The following ZNF571 variants were observed in gnomAD, a reference collection of about 807,000 sequenced individuals.
ZNF571 encodes the protein zinc finger protein 571.
ZNF571 carries 4 observed loss-of-function variants against 7.7 expected under a neutral mutation model. The ratio of observed to expected loss-of-function variants is 0.52; its 90% CI spans 0.25 to 1.18. The LOEUF (loss-of-function observed/expected upper bound fraction) is 1.18. Ranked by LOEUF, ZNF571 falls within the 50% of genes most tolerant of loss-of-function variation. ZNF571 has a pLI of 0.14. For missense variants in ZNF571, 704 were observed against 726.9 expected (o/e 0.97, Z 0.36); for synonymous variants, 251 against 232.4 (o/e 1.08, Z -0.73).
chr19:37,576,046 C>T (rs1036309293), intron 3 of ZNF571, among the ~76,000 whole-genome samples: 10 of 151,734 alleles, frequency 6.6e-5, no homozygotes, highest in African/African-American at 2.4e-4. Flanking sequence ...CATGCATACA[C>T]ACACACACAC....
At chr19:37,568,169 T>G (rs1230270987) in intron 3 of ZNF571, among the ~76,000 whole-genome samples, 1 of 152,272 alleles carries the variant, frequency 6.6e-6, no homozygotes, top group South Asian at 2.1e-4. Context: ...ATATAGGCTG[T>G]AGAATAACAA....
In ZNF571 at chr19:37,564,624, T is replaced by C. The variant is rs1203116575; in HGVS notation, c.1804A>G (p.Thr602Ala). The C allele has an allele frequency of 6.4e-7, 1 of 1,550,912 alleles. No homozygotes were observed. Among genetic ancestry groups the C allele is most frequent in the African/African-American group, 1.4e-5 (1 of 72,644 alleles). ...CAATTATGAAGCCTTGTATGTTGAG[T>C]AAGTTGTGAAGGACATCTAAAGTCT... ...GKDFRCPSQL[T>A]QHTRLHN is the part of the protein sequence containing the mutation. Residue 602 changes from threonine to alanine, a missense_variant, in exon 4 of 4, where the codon ACT becomes GCT. Coordinates refer to ENST00000451802, the MANE Select transcript of ZNF571 (RefSeq NM_016536.5).
At chr19:37,573,100 C>T (rs556719855) in intron 3 of ZNF571, among the ~76,000 whole-genome samples, 1 of 152,126 alleles carries the variant, frequency 6.6e-6, no homozygotes, top group South Asian at 2.1e-4. Flanking sequence ...CACCACCACA[C>T]TAATCTTAGC....
rs1263250398 is a variant in ZNF571 at position 37,594,762 on chromosome 19, C to T, written c.-91G>A. ...TCACCTGGCCGGCGCAGACAAGCTCCGTGCGTCAAGACATAACAGCGTAAG... is the reference window on the plus strand; with the variant it reads ...TCACCTGGCCGGCGCAGACAAGCTCTGTGCGTCAAGACATAACAGCGTAAG... On this transcript the variant is annotated 5_prime_UTR_variant, in exon 1 of 4. Transcript: ENST00000451802. 1.3e-5 allele frequency: 2 copies of T among 152,172 alleles called. No individual in the cohort carries two copies. Among genetic ancestry groups the T allele is most frequent in the Non-Finnish European group, 2.9e-5 (2 of 68,062 alleles). 9.4% of individuals were successfully genotyped at this position (152,172 alleles called of 1,614,324 possible). A position where few individuals can be genotyped will look rare whatever the true frequency, so the allele number is the denominator to read the frequency against.
intron 3 of ZNF571, chr19:37,567,885 ATAGC>A (rs2042916511): frequency 6.6e-6 from 1 of 152,178 alleles, no homozygotes; most frequent in Non-Finnish European, 1.5e-5. Context: ...GTTTTATTAT[ATAGC>A]TAGTCCCCAG....
Position 37,583,965 on chromosome 19 carries a change from T to A in ZNF571, c.136+6A>T. The A allele has an allele frequency of 6.3e-7, 1 of 1,599,384 alleles. No individual in the cohort carries two copies. Among genetic ancestry groups the A allele is most frequent in the Non-Finnish European group, 8.5e-7 (1 of 1,172,774 alleles). ...AAATTCTGAATATTACGTAGGATGA[T>A]CTTACCCAATGAGATCAGGTTGCTG... On this transcript the variant is annotated splice_donor_region_variant and intron_variant, in intron 3 of 3. Transcript: ENST00000451802.
chr19:37,594,406 G>A (rs1433291627), intron 1 of ZNF571: 2 of 152,314 alleles, frequency 1.3e-5, no homozygotes, highest in African/African-American at 4.8e-5. Flanking sequence ...AACACTACTA[G>A]TAACACCCGC....
chr19:37,590,400 G>C (rs1224952880), intron 1 of ZNF571, among the ~76,000 whole-genome samples: 3 of 151,728 alleles, frequency 2.0e-5, no homozygotes, highest in African/African-American at 7.3e-5. Context: ...CTGGGGGACA[G>C]AGTGAGGCTC....
At chr19:37,575,559 G>A (rs777192119) in intron 3 of ZNF571, 1 of 152,218 alleles carries the variant, frequency 6.6e-6, no homozygotes, top group Non-Finnish European at 1.5e-5. Context: ...TGCTTGAGAT[G>A]TGTCCCACTT....
intron 2 of ZNF571, chr19:37,585,308 T>C (rs1451066261): frequency 6.6e-6 from 1 of 152,254 alleles, no homozygotes; most frequent in African/African-American, 2.4e-5. Flanking sequence ...GCTTGCTTGC[T>C]TAAATATAAT....
rs542552560 is a variant in ZNF571, at chr19:37,588,886, T to C, written c.-69-2141A>G. On this transcript the variant is annotated intron_variant, in intron 1 of 3. Transcript: ENST00000451802. ...CACATACCCAAATTAACTCCAAATA[T>C]ATAAGATATCTAAATATTAAAAAAT... Among the ~76,000 whole-genome samples, 203 of 152,192 alleles carry C rather than the reference T, an allele frequency of 1.3e-3. 1 individual carries two copies. The highest frequency in any genetic ancestry group is 2.2e-3 in the Non-Finnish European group (153 of 68,014).
intron 3 of ZNF571, among the ~76,000 whole-genome samples, chr19:37,577,564 A>G (rs1293137661): frequency 6.6e-6 from 1 of 152,210 alleles, no homozygotes; most frequent in African/African-American, 2.4e-5. Context: ...AATTAACAAC[A>G]ATTTTACAAA....
At chr19:37,592,062 A>C (rs2043883965) in intron 1 of ZNF571, among the ~76,000 whole-genome samples, 2 of 151,886 alleles carry the variant, frequency 1.3e-5, no homozygotes, top group African/African-American at 4.8e-5. Flanking sequence ...GTTGCAGACC[A>C]GCCTGGGCAA....
Position 37,570,191 on chromosome 19 carries a change from G to T in ZNF571, c.137-3900C>A, listed in dbSNP as rs995245571. Reference sequence around the variant, plus strand: ...TTATCTCAATTACCTTAAAAGCTTTGGTTTCCTGGGTCCTTGGTCATCACT... The same window carrying T: ...TTATCTCAATTACCTTAAAAGCTTTTGTTTCCTGGGTCCTTGGTCATCACT... On this transcript the variant is annotated intron_variant, in intron 3 of 3. Coordinates refer to ENST00000451802, the MANE Select transcript of ZNF571 (RefSeq NM_016536.5). 3.3e-5 allele frequency among the ~76,000 whole-genome samples: 5 copies of T among 152,200 alleles called. No individual in the cohort carries two copies. In the East Asian group the frequency reaches 5.8e-4, roughly 18 times the overall value.
intron 3 of ZNF571, among the ~76,000 whole-genome samples, chr19:37,573,410 T>G (rs979402422): frequency 6.6e-6 from 1 of 152,192 alleles, no homozygotes; most frequent in African/African-American, 2.4e-5. Context: ...TCTGCCCAAT[T>G]TGGTTTTCAC....
rs2042849910 is a variant in ZNF571 at position 37,566,139 on chromosome 19, C to CT, written c.288dup (p.Glu97ArgfsTer19). 1 of 1,614,038 alleles carries CT rather than the reference C, an allele frequency of 6.2e-7. No homozygotes were observed. Among genetic ancestry groups the CT allele is most frequent in the Non-Finnish European group, 8.5e-7 (1 of 1,179,922 alleles). On this transcript the variant is annotated frameshift_variant, in exon 4 of 4. Coordinates refer to ENST00000451802, the MANE Select transcript of ZNF571 (RefSeq NM_016536.5). LOFTEE classifies it low-confidence loss of function (END_TRUNC). ...CCTTCCTGACTTGCTTCTTGACCCT[C>CT]TAAGTTGCCTTTGCACTCCATATTG...
chr19:37,566,241 A>G lies in ZNF571; in HGVS notation c.187T>C (p.Tyr63His), dbSNP rs1320643138. Residue 63 changes from tyrosine (Y) to histidine (H), a missense_variant, in exon 4 of 4, where the codon TAT becomes CAT. By Grantham distance (83) the Tyr-to-His change is moderately conservative. Transcript: ENST00000451802. ...TKKLSPEKEIYEMESLQWENM... is the reference protein window; with the variant it reads ...TKKLSPEKEIHEMESLQWENM... ...TCCCACTGGAGTGATTCCATTTCAT[A>G]AATTTCCTTTTCTGGAGATAACTTT... is the stretch of plus-strand genomic sequence containing the variant. 6.2e-7 allele frequency: 1 copy of G among 1,613,442 alleles called. No homozygotes were observed. The highest frequency in any genetic ancestry group is 8.5e-7 in the Non-Finnish European group (1 of 1,179,804).
rs767576544 is a variant in ZNF571, at chr19:37,566,025, T to A, written c.403A>T (p.Lys135Ter). Residue 135 changes from lysine to a stop codon, truncating the protein, a stop_gained, in exon 4 of 4, where the codon AAG (lysine) becomes TAG (stop). Transcript: ENST00000451802. LOFTEE classifies it low-confidence loss of function (END_TRUNC). ...SSTFHRIIPT[K>*]EKLYKCKECR... ...TCCTTACATTTGTACAATTTTTCCT[T>A]GGTAGGAATTATCCGATGAAAAGTA... The A allele has an allele frequency of 6.2e-7, 1 of 1,614,070 alleles. No individual in the cohort carries two copies.
chr19:37,579,426 A>G (rs2043366268), intron 3 of ZNF571, among the ~76,000 whole-genome samples: 1 of 152,192 alleles, frequency 6.6e-6, no homozygotes, highest in Non-Finnish European at 1.5e-5. Flanking sequence ...CTGTGGAGGA[A>G]GCCCCTTCTA....
Sources: gnomAD v4.1 joint callset for allele counts (sites outside exome capture counted in the v4.1 genomes callset) on GRCh38, gnomAD v4.1.1 for gene constraint, MANE v1.5 for transcripts, NCBI Gene and HGNC (gene_info 2026-07-23, HGNC 2026-07-21) for gene names.